The following MRPL15 variants were observed in gnomAD, a reference collection of about 807,000 sequenced individuals.
MRPL15 encodes large ribosomal subunit protein uL15m.
In MRPL15, 24 loss-of-function variants were observed where a neutral mutation model predicts 28.0. The observed-to-expected ratio is 0.86, with a 90% CI of 0.62 to 1.21. The LOEUF (loss-of-function observed/expected upper bound fraction) is 1.21, where lower values mean the gene tolerates loss of function less well. MRPL15 is among the 50% of genes most tolerant of loss of function. The probability of loss-of-function intolerance (pLI) is 0.00; values close to 1 mark genes in which losing one functional copy is unlikely to be tolerated. For synonymous variants in MRPL15, 124 were observed against 137.0 expected (o/e 0.90, Z 0.66); for missense variants, 343 against 372.4 (o/e 0.92, Z 0.65).
At chr8:54,147,312 AGTTACATCTC>A in intron 4 of MRPL15, 60 bp from the exon 5 acceptor site, 5 of 1,111,384 alleles carry the variant, frequency 4.5e-6, no homozygotes, top group Non-Finnish European at 6.4e-6. Flanking sequence ...TCTATGTTAG[AGTTACATCTC>A]TAGGTATGTC....
At chr8:54,144,787 CAA>C (rs1048687149) in intron 4 of MRPL15, among the ~76,000 whole-genome samples, 2 of 150,344 alleles carry the variant, frequency 1.3e-5, no homozygotes, top group African/African-American at 4.9e-5. Context: ...AAAAAAAAAA[CAA>C]AAAAAATTTG....
chr8:54,138,301 CTTTTTTTTTTTTTTT>C (rs71254537), intron 3 of MRPL15, among the ~76,000 whole-genome samples: 4 of 56,990 alleles, frequency 7.0e-5, no homozygotes, highest in Non-Finnish European at 8.8e-5. Flanking sequence ...TCAGGAAGAT[CTTTTTTTTTTTTTTT>C]TTTTTTTTTT....
At chr8:54,138,652 G>A (rs1699590198) in intron 3 of MRPL15, among the ~76,000 whole-genome samples, 1 of 151,974 alleles carries the variant, frequency 6.6e-6, no homozygotes, top group South Asian at 2.1e-4. Context: ...TTTTAAAAGA[G>A]CACTTGCCCT....
At chr8:54,142,385 A>G (rs2129240013) in intron 3 of MRPL15, among the ~76,000 whole-genome samples, 1 of 152,046 alleles carries the variant, frequency 6.6e-6, no homozygotes, top group East Asian at 1.9e-4. Flanking sequence ...TGAACTCCTG[A>G]CCTCAGGTGA....
intron 3 of MRPL15, among the ~76,000 whole-genome samples, chr8:54,139,051 G>A (rs923022622): frequency 7.9e-5 from 12 of 152,092 alleles, no homozygotes; most frequent in African/African-American, 2.9e-4. Context: ...CCAGGCTGGA[G>A]TGCAGTGGCA....
intron 3 of MRPL15, among the ~76,000 whole-genome samples, chr8:54,138,299 ATC>A (rs1810863890): frequency 1.4e-5 from 1 of 69,156 alleles, no homozygotes; most frequent in Non-Finnish European, 2.5e-5. Context: ...TATCAGGAAG[ATC>A]TTTTTTTTTT....
intron 3 of MRPL15, among the ~76,000 whole-genome samples, chr8:54,140,571 T>C (rs1810905344): frequency 8.1e-6 from 1 of 123,232 alleles, no homozygotes. Context: ...TACATTTTCT[T>C]TTCTTTTTTT....
chr8:54,146,570 G>T (rs1586220211), intron 4 of MRPL15, among the ~76,000 whole-genome samples: 1 of 152,132 alleles, frequency 6.6e-6, no homozygotes, highest in African/African-American at 2.4e-5. Flanking sequence ...GATTACATCA[G>T]GTAAACTTTG....
At chr8:54,138,145 G>A (rs1239264291) in intron 3 of MRPL15, among the ~76,000 whole-genome samples, 1 of 151,368 alleles carries the variant, frequency 6.6e-6, no homozygotes, top group Non-Finnish European at 1.5e-5. Context: ...TAGTAGAGAT[G>A]GAGTTTCGCC....
At chr8:54,146,244 C>T (rs1262545390) in intron 4 of MRPL15, among the ~76,000 whole-genome samples, 2 of 152,144 alleles carry the variant, frequency 1.3e-5, no homozygotes, top group Non-Finnish European at 2.9e-5. Flanking sequence ...TTCAGGAGTT[C>T]AAGACCAGCC....
At chr8:54,143,384 T>G (rs1586218737) in intron 4 of MRPL15, among the ~76,000 whole-genome samples, 1 of 152,190 alleles carries the variant, frequency 6.6e-6, no homozygotes, top group African/African-American at 2.4e-5. Context: ...CAACCCCTCT[T>G]TTCTCTTTTA....
Position 54,137,214 on chromosome 8 carries a change from C to T in MRPL15, c.264-54C>T, listed in dbSNP as rs148017635. 935 of 1,529,772 alleles carry T rather than the reference C, an allele frequency of 6.1e-4. 4 individuals carry two copies. In the African/African-American group the frequency reaches 0.01, roughly 17 times the overall value. The allele number at this position is 1,529,772 out of a possible 1,614,324, so 94.8% of individuals were successfully genotyped here. A position where few individuals can be genotyped will look rare whatever the true frequency, so the allele number is the denominator to read the frequency against. On this transcript the variant is annotated intron_variant, in intron 2 of 4. Transcript: ENST00000260102. ...ACAAGACAAAGCTTTGAGTTGATTT[C>T]GAGAAGTTACAGGAAGATGAGAGTT...
intron 4 of MRPL15, among the ~76,000 whole-genome samples, chr8:54,145,252 T>C (rs929077093): frequency 6.6e-6 from 1 of 152,224 alleles, no homozygotes; most frequent in African/African-American, 2.4e-5. Context: ...TCTCACTCTG[T>C]CACCCAGGCT....
At chr8:54,141,002 T>A (rs1373530927) in intron 3 of MRPL15, among the ~76,000 whole-genome samples, 1 of 152,206 alleles carries the variant, frequency 6.6e-6, no homozygotes, top group Non-Finnish European at 1.5e-5. Flanking sequence ...TGTCTTTTTT[T>A]CCCTAGTGAG....
At chr8:54,145,009 C>A (rs1811019769) in intron 4 of MRPL15, among the ~76,000 whole-genome samples, 1 of 152,168 alleles carries the variant, frequency 6.6e-6, no homozygotes, top group Non-Finnish European at 1.5e-5. Context: ...TGTTCTCTAG[C>A]CAGATGCCCT....
At chr8:54,136,386 G>A in intron 1 of MRPL15, 125 bp from the exon 2 acceptor site, 1 of 1,024,572 alleles carries the variant, frequency 9.8e-7, no homozygotes, top group Non-Finnish European at 1.4e-6. Flanking sequence ...GGACATGCTT[G>A]ACACAATAGT....
intron 4 of MRPL15, among the ~76,000 whole-genome samples, chr8:54,145,484 AT>A (rs903903301): frequency 0.021 from 3,043 of 147,476 alleles, 104 homozygotes; most frequent in African/African-American, 0.07. Context: ...CGGGCCAGAA[AT>A]TTTTTTTTTT....
chr8:54,136,620 C>T lies in MRPL15; in HGVS notation c.218C>T (p.Pro73Leu). The change falls in exon 2 of 5, where the codon CCA becomes CTA. Residue 73 changes from proline to leucine, a missense_variant. By Grantham distance (98) the Pro-to-Leu change is moderately conservative (BLOSUM62 -3). Transcript: ENST00000260102. Reference protein sequence around the residue: ...PRLGFEGGQTPFYIRIPKYGF... With the variant: ...PRLGFEGGQTLFYIRIPKYGF... Reference sequence around the variant, plus strand: ...TTGGGCTTTGAGGGAGGCCAGACTCCATTTTACATCCGAATCCCAAAATAC... The same window carrying T: ...TTGGGCTTTGAGGGAGGCCAGACTCTATTTTACATCCGAATCCCAAAATAC... 4 of 1,614,172 alleles carry T rather than the reference C, an allele frequency of 2.5e-6. No homozygotes were observed. The highest frequency in any genetic ancestry group is 3.4e-6 in the Non-Finnish European group (4 of 1,180,014).
At chr8:54,139,381 A>G (rs1471121643) in intron 3 of MRPL15, among the ~76,000 whole-genome samples, 1 of 152,240 alleles carries the variant, frequency 6.6e-6, no homozygotes, top group Non-Finnish European at 1.5e-5. Context: ...AGGGAAGCAT[A>G]TATTTATGAA....
Sources: gnomAD v4.1 joint callset for allele counts (sites outside exome capture counted in the v4.1 genomes callset) on GRCh38, gnomAD v4.1.1 for gene constraint, MANE v1.5 for transcripts, NCBI Gene and HGNC (gene_info 2026-07-23, HGNC 2026-07-21) for gene names.